GRID2: variants seen among roughly 807,000 people sequenced by gnomAD.
GRID2 encodes the protein glutamate ionotropic receptor delta type subunit 2, also known as glutamate receptor ionotropic, delta-2.
GRID2 carries 33 observed loss-of-function variants against 114.8 expected under a neutral mutation model. That is an observed-to-expected ratio of 0.29 (90% CI 0.22 to 0.38). The LOEUF is 0.38. Among genes scored for constraint, GRID2 ranks in the 10% least tolerant of loss-of-function variants. The pLI, the probability that GRID2 is intolerant of heterozygous loss-of-function variation, is 1.00. For missense variants in GRID2, 1,184 were observed against 1,257.7 expected (o/e 0.94, Z 0.89); for synonymous variants, 505 against 449.9 (o/e 1.12, Z -1.55).
chr4:93,276,249 A>G (rs573720517), intron 8 of GRID2, among the ~76,000 whole-genome samples: 14 of 152,010 alleles, frequency 9.2e-5, no homozygotes, highest in Non-Finnish European at 1.6e-4. Flanking sequence ...TTGTTGAAAT[A>G]CAATTGACTA....
chr4:93,054,154 A>C (rs563851050), intron 2 of GRID2, among the ~76,000 whole-genome samples: 1 of 151,896 alleles, frequency 6.6e-6, no homozygotes, highest in Non-Finnish European at 1.5e-5. Context: ...AAACTAAACC[A>C]TTTTTTCAAA....
chr4:92,961,018 G>T (rs1752760647), intron 2 of GRID2, among the ~76,000 whole-genome samples: 4 of 151,732 alleles, frequency 2.6e-5, no homozygotes, highest in African/African-American at 4.8e-5. Context: ...TGCTTCATAG[G>T]TAGTGCAGGT....
chr4:93,320,014 T>C (rs761436499), intron 8 of GRID2, among the ~76,000 whole-genome samples: 2 of 152,114 alleles, frequency 1.3e-5, no homozygotes, highest in Non-Finnish European at 2.9e-5. Flanking sequence ...GTGTGGCAAT[T>C]TGTTATACAG....
At chr4:93,563,791 A>G (rs1217349402) in intron 13 of GRID2, among the ~76,000 whole-genome samples, 6 of 152,006 alleles carry the variant, frequency 3.9e-5, no homozygotes, top group African/African-American at 1.4e-4. Flanking sequence ...GCCATGAAGA[A>G]AAGTTTTTGT....
chr4:93,671,320 G>GT lies in GRID2; in HGVS notation c.2360+44886dup, dbSNP rs552372091. On this transcript the variant is annotated intron_variant, in intron 14 of 15. Transcript: ENST00000282020. ...AATCATTTCAGCCTGAGAAAGTTAA[G>GT]TAAGTGTTACCCAAAAGGGTTTTTT... 2.4e-4 allele frequency among the ~76,000 whole-genome samples: 37 copies of GT among 152,296 alleles called. No homozygotes were observed. The East Asian group carries it at 7.2e-3, about 29-fold the overall frequency.
intron 1 of GRID2, among the ~76,000 whole-genome samples, chr4:92,586,839 G>C (rs1728474021): frequency 6.6e-6 from 1 of 151,838 alleles, no homozygotes; most frequent in Admixed American, 6.6e-5. Flanking sequence ...GATATAAGAA[G>C]ACATGTAAAC....
intron 8 of GRID2, among the ~76,000 whole-genome samples, chr4:93,263,588 A>G (rs933514045): frequency 1.3e-5 from 2 of 152,114 alleles, no homozygotes; most frequent in Non-Finnish European, 2.9e-5. Context: ...AGTATATTAT[A>G]TTTGAATTAA....
chr4:93,233,498 A>G (rs1452965166), intron 7 of GRID2, among the ~76,000 whole-genome samples: 1 of 151,646 alleles, frequency 6.6e-6, no homozygotes, highest in Non-Finnish European at 1.5e-5. Context: ...GCGCACCACC[A>G]CACCTGGCTA....
intron 2 of GRID2, among the ~76,000 whole-genome samples, chr4:92,779,194 G>A (rs980188035): frequency 6.7e-6 from 1 of 150,366 alleles, no homozygotes; most frequent in Admixed American, 6.7e-5. Flanking sequence ...AAATGTGTGT[G>A]TGTGTGTGTG....
chr4:92,648,948 T>C (rs1236065387), intron 2 of GRID2, among the ~76,000 whole-genome samples: 1 of 134,688 alleles, frequency 7.4e-6, no homozygotes, highest in Non-Finnish European at 1.6e-5. Flanking sequence ...GAGACAATTA[T>C]TTATGTGTAG....
At chr4:93,152,327 A>G (rs1222523949) in intron 4 of GRID2, among the ~76,000 whole-genome samples, 1 of 152,158 alleles carries the variant, frequency 6.6e-6, no homozygotes, top group Non-Finnish European at 1.5e-5. Flanking sequence ...GCAAGGCAAA[A>G]AGAATAAAAA....
At chr4:93,587,184 T>G (rs1304575652) in intron 13 of GRID2, among the ~76,000 whole-genome samples, 1 of 152,088 alleles carries the variant, frequency 6.6e-6, no homozygotes, top group African/African-American at 2.4e-5. Context: ...CTCGAGACAC[T>G]GAGCACAGCC....
intron 1 of GRID2, among the ~76,000 whole-genome samples, chr4:92,516,522 T>C (rs911453591): frequency 6.6e-6 from 1 of 151,860 alleles, no homozygotes; most frequent in Non-Finnish European, 1.5e-5. Flanking sequence ...GATATCAGAT[T>C]GGAAGAAAGC....
chr4:93,577,357 A>T (rs1421520470), intron 13 of GRID2, among the ~76,000 whole-genome samples: 2 of 152,184 alleles, frequency 1.3e-5, no homozygotes, highest in African/African-American at 4.8e-5. Context: ...GCCACTAAAA[A>T]ACCACAGTGA....
chr4:92,489,505 TTTGA>T (rs10603877), intron 1 of GRID2, among the ~76,000 whole-genome samples: 3,061 of 152,254 alleles, frequency 0.02, 99 homozygotes, highest in African/African-American at 0.069. Flanking sequence ...TTTAATTGTC[TTTGA>T]TTGAACAATG....
intron 2 of GRID2, among the ~76,000 whole-genome samples, chr4:93,038,098 T>A (rs1560817474): frequency 6.6e-6 from 1 of 152,192 alleles, no homozygotes; most frequent in Non-Finnish European, 1.5e-5. Context: ...GAGCATGGAA[T>A]GTTTTTCCAT....
chr4:92,899,037 T>A (rs1473414180), intron 2 of GRID2, among the ~76,000 whole-genome samples: 2 of 152,126 alleles, frequency 1.3e-5, no homozygotes, highest in African/African-American at 4.8e-5. Context: ...ATCTTCAATA[T>A]CAAAATTTAA....
At chr4:93,478,367 T>A (rs1187638109) in intron 11 of GRID2, among the ~76,000 whole-genome samples, 1 of 152,048 alleles carries the variant, frequency 6.6e-6, no homozygotes, top group East Asian at 1.9e-4. Flanking sequence ...TATTTTATGG[T>A]ATTGGGTCTG....
intron 12 of GRID2, among the ~76,000 whole-genome samples, chr4:93,499,653 G>T (rs780618844): frequency 4.0e-5 from 6 of 151,736 alleles, no homozygotes. Context: ...TTCTCTTTGC[G>T]ATTTTAAGTT....
Sources: gnomAD v4.1 joint callset for allele counts (sites outside exome capture counted in the v4.1 genomes callset) on GRCh38, gnomAD v4.1.1 for gene constraint, MANE v1.5 for transcripts, NCBI Gene and HGNC (gene_info 2026-07-23, HGNC 2026-07-21) for gene names.